IGF1R: variants seen among roughly 807,000 people sequenced by gnomAD.
The protein encoded by IGF1R is insulin like growth factor 1 receptor, also known as insulin-like growth factor 1 receptor.
Under a neutral mutation model 144.6 loss-of-function variants are expected in IGF1R, and 44 were observed. The observed-to-expected ratio is 0.30, with a 90% CI of 0.24 to 0.39. IGF1R has a LOEUF of 0.39. Among genes scored for constraint, IGF1R ranks in the 10% least tolerant of loss-of-function variants. IGF1R has a pLI of 1.00. For missense variants in IGF1R, 1,355 were observed against 1,833.7 expected, an observed-to-expected ratio of 0.74 and a Z score of 4.77; for synonymous variants, 795 against 722.8, an observed-to-expected ratio of 1.10 and a Z score of -1.60.
chr15:98,733,347 C>T (rs576375798), intron 2 of IGF1R, among the ~76,000 whole-genome samples: 2 of 152,102 alleles, frequency 1.3e-5, no homozygotes, highest in Non-Finnish European at 2.9e-5. Context: ...CAGCCTCCTG[C>T]GTGGTTGGGA....
chr15:98,762,329 C>G (rs1428860709), intron 2 of IGF1R, among the ~76,000 whole-genome samples: 1 of 150,822 alleles, frequency 6.6e-6, no homozygotes, highest in Non-Finnish European at 1.5e-5. Context: ...CCTCAAACTC[C>G]TGGGCTCAAG....
At position 98,957,335 on chromosome 15, in the gene IGF1R, G is replaced by A. The variant is rs774259609; in HGVS notation, c.3997G>A (p.Val1333Met). The part of the protein sequence containing the change: ...HKAENGPGPG[V>M]LVLRASFDER... Reference sequence around the variant, plus strand: ...GGCCGAGAACGGCCCCGGCCCTGGGGTGCTGGTCCTCCGCGCCAGCTTCGA... The same window carrying A: ...GGCCGAGAACGGCCCCGGCCCTGGGATGCTGGTCCTCCGCGCCAGCTTCGA... Residue 1333 changes from valine to methionine, a missense_variant, in exon 21 of 21, where the codon GTG becomes ATG. Coordinates refer to ENST00000650285, the MANE Select transcript of IGF1R (RefSeq NM_000875.5). The A allele has an allele frequency of 6.8e-6, 11 of 1,612,152 alleles. No individual in the cohort carries two copies. Among genetic ancestry groups the A allele is most frequent in the Non-Finnish European group, 8.5e-6 (10 of 1,178,772 alleles).
intron 2 of IGF1R, among the ~76,000 whole-genome samples, chr15:98,806,846 C>T (rs934266648): frequency 6.6e-6 from 1 of 152,094 alleles, no homozygotes; most frequent in Middle Eastern, 3.2e-3. Context: ...CTAAGCCTAA[C>T]GTGATCATTA....
Position 98,911,328 on chromosome 15 carries a change from C to T in IGF1R, c.1476C>T (p.Val492=), listed in dbSNP as rs1267293835. 5 of 1,614,110 alleles carry T rather than the reference C, an allele frequency of 3.1e-6. No individual in the cohort carries two copies. Among genetic ancestry groups the T allele is most frequent in the Middle Eastern group, 1.6e-4 (1 of 6,062 alleles). Residue 492 remains valine, a synonymous_variant, in exon 7 of 21, where the codon GTC becomes GTT. Coordinates refer to ENST00000650285, the MANE Select transcript of IGF1R (RefSeq NM_000875.5). ...TCTTTGCCCCAGGTGAAAGTGACGT[C>T]CTGCATTTCACCTCCACCACCACGT... ...NGERASCESD[V]LHFTSTTTSK... is the part of the protein sequence containing the mutation.
intron 1 of IGF1R, among the ~76,000 whole-genome samples, chr15:98,700,173 GCT>G (rs923962451): frequency 3.3e-5 from 5 of 152,142 alleles, no homozygotes; most frequent in Admixed American, 2.6e-4. Context: ...AGAAACCCAT[GCT>G]CTCTCTTCTC....
rs771590506 is a variant in IGF1R at position 98,957,410 on chromosome 15, G to C, written c.4072G>C (p.Ala1358Pro). ...HMNGGRKNER[A>P]LPLPQSSTC ...GAACGGGGGCCGCAAGAACGAGCGG[G>C]CCTTGCCGCTGCCCCAGTCTTCGAC... is the stretch of plus-strand genomic sequence containing the variant. The change falls in exon 21 of 21, where the codon GCC (alanine) becomes CCC (proline). Residue 1358 changes from alanine (A) to proline (P), a missense_variant. Coordinates refer to ENST00000650285, the MANE Select transcript of IGF1R (RefSeq NM_000875.5). 7.4e-6 allele frequency: 12 copies of C among 1,613,254 alleles called. No homozygotes were observed. Among genetic ancestry groups the C allele is most frequent in the African/African-American group, 1.3e-5 (1 of 75,080 alleles).
intron 2 of IGF1R, among the ~76,000 whole-genome samples, chr15:98,782,860 A>G (rs564503132): frequency 1.3e-5 from 2 of 152,360 alleles, no homozygotes; most frequent in Admixed American, 1.3e-4. Flanking sequence ...ATATAATCCT[A>G]AACTGTTACA....
intron 2 of IGF1R, among the ~76,000 whole-genome samples, chr15:98,886,742 C>T (rs2013662024): frequency 6.6e-6 from 1 of 152,168 alleles, no homozygotes; most frequent in African/African-American, 2.4e-5. Flanking sequence ...CAAGAAATCC[C>T]TTAATGGTCC....
At chr15:98,895,823 A>G (rs1184955647) in intron 3 of IGF1R, among the ~76,000 whole-genome samples, 3 of 152,250 alleles carry the variant, frequency 2.0e-5, no homozygotes. Context: ...ACAATAATGT[A>G]CATATAATGG....
intron 20 of IGF1R, among the ~76,000 whole-genome samples, chr15:98,954,949 CTTA>C (rs2016921934): frequency 6.6e-6 from 1 of 152,136 alleles, no homozygotes; most frequent in Non-Finnish European, 1.5e-5. Context: ...CAGGGTTACT[CTTA>C]TTTAGGTTGA....
intron 13 of IGF1R, 131 bp from the exon 14 acceptor site, chr15:98,929,427 A>G: frequency 1.3e-6 from 1 of 746,446 alleles, no homozygotes. Context: ...ACCTTCAGGA[A>G]TTCTTACTGT....
intron 2 of IGF1R, among the ~76,000 whole-genome samples, chr15:98,750,812 G>A (rs1218637534): frequency 6.6e-6 from 1 of 152,138 alleles, no homozygotes; most frequent in African/African-American, 2.4e-5. Context: ...TTTTTGAGAC[G>A]GGATCTTACT....
chr15:98,932,896 G>A (rs1031981862), intron 15 of IGF1R, among the ~76,000 whole-genome samples: 1 of 152,234 alleles, frequency 6.6e-6, no homozygotes, highest in African/African-American at 2.4e-5. Flanking sequence ...AAATGATGGT[G>A]CCCCTCCTGG....
chr15:98,674,024 G>T (rs1481738428), intron 1 of IGF1R, among the ~76,000 whole-genome samples: 2 of 152,332 alleles, frequency 1.3e-5, no homozygotes, highest in East Asian at 3.9e-4. Flanking sequence ...TGAATGAGTG[G>T]TGGCCTCTGA....
intron 2 of IGF1R, among the ~76,000 whole-genome samples, chr15:98,861,635 T>C (rs924671690): frequency 1.3e-5 from 2 of 152,234 alleles, no homozygotes; most frequent in African/African-American, 4.8e-5. Flanking sequence ...TGGGTTTGTA[T>C]CCCGTCTTTA....
intron 2 of IGF1R, among the ~76,000 whole-genome samples, chr15:98,886,918 G>T (rs2013669799): frequency 6.6e-6 from 1 of 152,136 alleles, no homozygotes; most frequent in South Asian, 2.1e-4. Context: ...GTCCGTCTCT[G>T]CAGCAATGCT....
intron 2 of IGF1R, among the ~76,000 whole-genome samples, chr15:98,732,641 G>C (rs1046166894): frequency 6.6e-6 from 1 of 152,184 alleles, no homozygotes; most frequent in African/African-American, 2.4e-5. Flanking sequence ...GCAGGTAGAG[G>C]AAAAGCAATG....
chr15:98,944,997 C>T (rs948122151), intron 19 of IGF1R, among the ~76,000 whole-genome samples: 7 of 152,226 alleles, frequency 4.6e-5, no homozygotes, highest in African/African-American at 1.7e-4. Flanking sequence ...GCCAGAACAC[C>T]TCCAAGTTTC....
chr15:98,799,973 G>A (rs2141433149), intron 2 of IGF1R, among the ~76,000 whole-genome samples: 1 of 152,250 alleles, frequency 6.6e-6, no homozygotes, highest in South Asian at 2.1e-4. Flanking sequence ...TTCCTTTCCT[G>A]CACTCTGTTC....
Sources: allele counts gnomAD v4.1 joint callset (sites outside exome capture counted in the v4.1 genomes callset), GRCh38; gene constraint gnomAD v4.1.1; transcripts MANE v1.5; gene names NCBI Gene and HGNC (gene_info 2026-07-23, HGNC 2026-07-21).